Variants in RAP1GAP2 observed in about 807,000 individuals in gnomAD.
RAP1GAP2 encodes rap1 GTPase-activating protein 2.
In RAP1GAP2, 27 loss-of-function variants were observed where a neutral mutation model predicts 95.0. That is an observed-to-expected ratio of 0.28 (90% CI 0.21 to 0.39). The LOEUF is 0.39. Ranked by LOEUF, RAP1GAP2 falls within the 10% of genes least tolerant of loss-of-function variation. RAP1GAP2 has a pLI of 1.00. For synonymous variants in RAP1GAP2, 373 were observed against 380.9 expected (o/e 0.98, Z 0.24); for missense variants, 771 against 970.0 (o/e 0.79, Z 2.72).
rs185318084 is a variant in RAP1GAP2, at chr17:2,778,370, C to T, written c.-14+1092C>T. Among the ~76,000 whole-genome samples the T allele has an allele frequency of 2.2e-4, 33 of 152,100 alleles. 1 individual carries two copies. Among genetic ancestry groups the T allele is most frequent in the Admixed American group, 2.2e-3 (33 of 15,266 alleles). On this transcript the variant is annotated intron_variant, in intron 1 of 24. Coordinates refer to the RAP1GAP2 transcript ENST00000540393. ...CTCTTGGTTCCTGTGTTTGATGTTACTGGGCAGAGACAGATGCTAAGCTTG... is the reference window on the plus strand; with the variant it reads ...CTCTTGGTTCCTGTGTTTGATGTTATTGGGCAGAGACAGATGCTAAGCTTG...
intron 3 of RAP1GAP2, among the ~76,000 whole-genome samples, chr17:2,909,724 C>A (rs1189461931): frequency 6.6e-6 from 1 of 152,180 alleles, no homozygotes; most frequent in African/African-American, 2.4e-5. Flanking sequence ...GTCCTTCTCC[C>A]CTTTGAGCTC....
chr17:2,787,704 A>C, intron 1 of RAP1GAP2, among the ~76,000 whole-genome samples: 1 of 152,014 alleles, frequency 6.6e-6, no homozygotes, highest in East Asian at 1.9e-4. Flanking sequence ...AGTAGCTGGG[A>C]ATACAGGCGC....
chr17:2,842,165 T>C (rs561223017), intron 2 of RAP1GAP2, among the ~76,000 whole-genome samples: 1 of 152,280 alleles, frequency 6.6e-6, no homozygotes, highest in East Asian at 1.9e-4. Flanking sequence ...GGGCCCACGC[T>C]TGGGTAATAG....
chr17:2,767,394 AAT>A, intron 1 of RAP1GAP2, among the ~76,000 whole-genome samples: 2 of 141,792 alleles, frequency 1.4e-5, no homozygotes, highest in Non-Finnish European at 3.1e-5. Flanking sequence ...AAAAGGTTGG[AAT>A]AGGTAATCTC....
At chr17:2,834,245 T>G (rs1451773864) in intron 2 of RAP1GAP2, among the ~76,000 whole-genome samples, 1 of 152,168 alleles carries the variant, frequency 6.6e-6, no homozygotes, top group Non-Finnish European at 1.5e-5. Context: ...TCTTAAGATG[T>G]AAGTTCTGCC....
intron 3 of RAP1GAP2, among the ~76,000 whole-genome samples, chr17:2,956,991 G>A (rs147810739): frequency 0.013 from 2,013 of 152,200 alleles, 44 homozygotes; most frequent in African/African-American, 0.045. Context: ...AGCCGGGCAC[G>A]ATGGCGGGCG....
intron 2 of RAP1GAP2, among the ~76,000 whole-genome samples, chr17:2,865,317 T>C (rs2072576745): frequency 6.6e-6 from 1 of 152,192 alleles, no homozygotes; most frequent in African/African-American, 2.4e-5. Flanking sequence ...TGGTTGTTTT[T>C]AAAGGAAGGG....
intron 3 of RAP1GAP2, among the ~76,000 whole-genome samples, chr17:2,945,030 C>T (rs1034930840): frequency 1.3e-5 from 2 of 152,058 alleles, no homozygotes; most frequent in East Asian, 1.9e-4. Flanking sequence ...CCCGCCACCA[C>T]GCCCGGCTGA....
At chr17:2,920,140 G>T (rs1262514211) in intron 3 of RAP1GAP2, among the ~76,000 whole-genome samples, 1 of 152,080 alleles carries the variant, frequency 6.6e-6, no homozygotes, top group Non-Finnish European at 1.5e-5. Context: ...AAGTAGCTGG[G>T]ACCACAGGTG....
Position 2,757,979 on chromosome 17 carries a change from C to T in RAP1GAP2, c.50+2212C>T, listed in dbSNP as rs773200321. On this transcript the variant is annotated intron_variant, in intron 1 of 25. Coordinates refer to the RAP1GAP2 transcript ENST00000637138. ...CCGCCTGCCGGGTTCACACCATTCTCCTGCCTCAGCCTCCTGAGTAGCTGG... is the reference window on the plus strand; with the variant it reads ...CCGCCTGCCGGGTTCACACCATTCTTCTGCCTCAGCCTCCTGAGTAGCTGG... Among the ~76,000 whole-genome samples the T allele has an allele frequency of 2.6e-5, 4 of 152,072 alleles. No individual in the cohort carries two copies. The East Asian group carries it at 5.8e-4, about 22-fold the overall frequency.
intron 3 of RAP1GAP2, among the ~76,000 whole-genome samples, chr17:2,941,857 A>G (rs924876296): frequency 6.6e-6 from 1 of 151,912 alleles, no homozygotes; most frequent in African/African-American, 2.4e-5. Context: ...TAATTTTTGT[A>G]TTATTAGTAG....
intron 2 of RAP1GAP2, among the ~76,000 whole-genome samples, chr17:2,886,918 G>A (rs1366153925): frequency 2.0e-5 from 3 of 152,180 alleles, no homozygotes; most frequent in Admixed American, 6.6e-5. Flanking sequence ...ATCACTTACC[G>A]TCTCTGAGCC....
chr17:2,989,229 G>A (rs900530947), intron 11 of RAP1GAP2, among the ~76,000 whole-genome samples: 1 of 152,190 alleles, frequency 6.6e-6, no homozygotes, highest in East Asian at 1.9e-4. Context: ...ATGTGTAGTG[G>A]TATCACCTTA....
chr17:2,779,692 G>A (rs2068592764), intron 1 of RAP1GAP2, among the ~76,000 whole-genome samples: 1 of 152,036 alleles, frequency 6.6e-6, no homozygotes, highest in South Asian at 2.1e-4. Flanking sequence ...GCTTGAAGGA[G>A]GAGTGGAGGG....
At chr17:2,898,719 G>A (rs897405294) in intron 2 of RAP1GAP2, among the ~76,000 whole-genome samples, 2 of 152,086 alleles carry the variant, frequency 1.3e-5, no homozygotes, top group Non-Finnish European at 2.9e-5. Context: ...CTCCTCCTCC[G>A]TGCCCATTCT....
intron 14 of RAP1GAP2, among the ~76,000 whole-genome samples, chr17:3,000,114 A>G (rs904177885): frequency 2.6e-5 from 4 of 151,936 alleles, no homozygotes; most frequent in African/African-American, 9.7e-5. Flanking sequence ...TGCCCAGCTA[A>G]TTTTTTGTAT....
At chr17:2,989,270 A>G (rs925628483) in intron 11 of RAP1GAP2, among the ~76,000 whole-genome samples, 2 of 152,168 alleles carry the variant, frequency 1.3e-5, no homozygotes, top group African/African-American at 2.4e-5. Flanking sequence ...CTAATGGTTA[A>G]TGATGTTGGA....
At chr17:2,802,703 C>T (rs2069355489) in intron 2 of RAP1GAP2, among the ~76,000 whole-genome samples, 1 of 148,404 alleles carries the variant, frequency 6.7e-6, no homozygotes, top group Admixed American at 6.7e-5. Flanking sequence ...AATGCCGTCT[C>T]AAAAAAAAAA....
At chr17:2,909,034 A>G (rs2042287137) in intron 3 of RAP1GAP2, among the ~76,000 whole-genome samples, 1 of 152,110 alleles carries the variant, frequency 6.6e-6, no homozygotes, top group African/African-American at 2.4e-5. Context: ...ACTGAGTTGG[A>G]CGTGCCTGAG....
Sources: allele counts gnomAD v4.1 joint callset (sites outside exome capture counted in the v4.1 genomes callset), GRCh38; gene constraint gnomAD v4.1.1; transcripts MANE v1.5; gene names NCBI Gene and HGNC (gene_info 2026-07-23, HGNC 2026-07-21).